Variants in SYT16 observed in about 807,000 individuals in gnomAD.
The protein encoded by SYT16 is synaptotagmin 16, also known as synaptotagmin-16.
In SYT16, 42 loss-of-function variants were observed where a neutral mutation model predicts 61.4. The ratio of observed to expected loss-of-function variants is 0.68; its 90% CI spans 0.53 to 0.89. The LOEUF (loss-of-function observed/expected upper bound fraction) is 0.89, where lower values mean the gene tolerates loss of function less well. Ranked by LOEUF, SYT16 falls within the 40% of genes least tolerant of loss-of-function variation. The probability of loss-of-function intolerance (pLI) is 0.00; values close to 1 mark genes in which losing one functional copy is unlikely to be tolerated. For missense variants in SYT16, 804 were observed against 807.3 expected (o/e 1.00, Z 0.05); for synonymous variants, 314 against 302.3 (o/e 1.04, Z -0.40).
intron 1 of SYT16, among the ~76,000 whole-genome samples, chr14:61,867,483 C>T (rs956596217): frequency 1.3e-5 from 2 of 151,966 alleles, no homozygotes; most frequent in African/African-American, 4.8e-5. Flanking sequence ...GTCTAGAAGA[C>T]CCATATGCTC....
chr14:62,090,872 T>C (rs907368528), intron 7 of SYT16, among the ~76,000 whole-genome samples: 4 of 152,130 alleles, frequency 2.6e-5, no homozygotes, highest in African/African-American at 9.7e-5. Context: ...AGGCATGTCT[T>C]ACATGGTGGC....
chr14:62,085,811 C>T (rs559804619), intron 7 of SYT16, among the ~76,000 whole-genome samples: 1 of 152,298 alleles, frequency 6.6e-6, no homozygotes, highest in South Asian at 2.1e-4. Context: ...ATAATAGATG[C>T]TTATTATTAA....
At chr14:61,987,574 T>G (rs1046583716) in intron 2 of SYT16, among the ~76,000 whole-genome samples, 1 of 152,106 alleles carries the variant, frequency 6.6e-6, no homozygotes, top group Non-Finnish European at 1.5e-5. Flanking sequence ...GATGAAAGAA[T>G]GGGTAGGCCT....
intron 3 of SYT16, among the ~76,000 whole-genome samples, chr14:62,018,804 A>G (rs896216043): frequency 6.6e-6 from 1 of 152,018 alleles, no homozygotes; most frequent in African/African-American, 2.4e-5. Context: ...ACCTGTCCCC[A>G]TCCCCTTTCC....
intron 7 of SYT16, among the ~76,000 whole-genome samples, chr14:62,087,628 AG>A (rs1281023693): frequency 2.0e-5 from 3 of 152,170 alleles, no homozygotes; most frequent in Non-Finnish European, 4.4e-5. Context: ...AGGATTTAGA[AG>A]TGAGAATCTT....
chr14:61,933,956 T>G (rs561108210), intron 1 of SYT16, among the ~76,000 whole-genome samples: 2 of 152,322 alleles, frequency 1.3e-5, no homozygotes, highest in East Asian at 3.9e-4. Context: ...CACATGCATA[T>G]TTGTGTGTAT....
intron 3 of SYT16, among the ~76,000 whole-genome samples, chr14:61,998,438 T>C (rs375221158): frequency 6.6e-5 from 10 of 152,118 alleles, no homozygotes; most frequent in South Asian, 2.1e-4. Flanking sequence ...TATAAATGGA[T>C]GTACACAGTT....
At chr14:61,812,336 G>C (rs2045296515), upstream of SYT16, 1 of 152,486 alleles carries the variant, frequency 6.6e-6, no homozygotes, top group Non-Finnish European at 1.5e-5. Context: ...TGAGAAGCTC[G>C]AGGTAGGGAT....
intron 1 of SYT16, among the ~76,000 whole-genome samples, chr14:61,954,878 A>G (rs1288496478): frequency 6.6e-6 from 1 of 152,198 alleles, no homozygotes; most frequent in East Asian, 1.9e-4. Context: ...GAATAATAAA[A>G]TTGCAGAATC....
rs2140632089 is a variant in SYT16, at chr14:61,996,353, C to CA, written c.335dup (p.His112GlnfsTer18). ...AAATTCAAGCCCAAGCCTTAGCCAA[C>CA]ATGCAAAGGACTCATGTTCCACAAT... is the stretch of plus-strand genomic sequence containing the variant. On this transcript the variant is annotated frameshift_variant, in exon 3 of 8. Coordinates refer to ENST00000683842, the MANE Select transcript of SYT16 (RefSeq NM_001367656.1). LOFTEE classifies it high-confidence loss of function. 6.2e-7 allele frequency: 1 copy of CA among 1,613,490 alleles called. No individual in the cohort carries two copies. The highest frequency in any genetic ancestry group is 8.5e-7 in the Non-Finnish European group (1 of 1,179,574).
chr14:62,081,822 T>G (rs2056718128), intron 6 of SYT16, among the ~76,000 whole-genome samples: 1 of 152,230 alleles, frequency 6.6e-6, no homozygotes, highest in South Asian at 2.1e-4. Context: ...ACTACTGCTG[T>G]GGGTTATATG....
chr14:61,853,194 C>T (rs551309586), intron 1 of SYT16, among the ~76,000 whole-genome samples: 4 of 152,372 alleles, frequency 2.6e-5, no homozygotes, highest in Non-Finnish European at 5.9e-5. Context: ...GCTGGGATTA[C>T]AGGCATAAGC....
chr14:61,900,934 A>G (rs770099917), intron 1 of SYT16, among the ~76,000 whole-genome samples: 3 of 152,246 alleles, frequency 2.0e-5, no homozygotes, highest in Non-Finnish European at 2.9e-5. Context: ...ACTGGATGCC[A>G]GGTGGCCACA....
At position 61,817,588 on chromosome 14, in the gene SYT16, G is replaced by A. The variant is rs533032029; in HGVS notation, c.-325+4778G>A. Among the ~76,000 whole-genome samples the A allele has an allele frequency of 8.7e-4, 132 of 152,230 alleles. 1 individual carries two copies. The highest frequency in any genetic ancestry group is 3.1e-3 in the African/African-American group (129 of 41,528). On this transcript the variant is annotated intron_variant, in intron 1 of 7. Coordinates refer to ENST00000683842, the MANE Select transcript of SYT16 (RefSeq NM_001367656.1). ...ATCAAGAGACATTCTGTAAGTCAGT[G>A]TCATGAAAGATGGCTGAGGCACTGT...
intron 1 of SYT16, among the ~76,000 whole-genome samples, chr14:61,862,828 G>A (rs1566634606): frequency 6.6e-6 from 1 of 152,140 alleles, no homozygotes; most frequent in Non-Finnish European, 1.5e-5. Flanking sequence ...TGTCTCCACA[G>A]TTTTTGTCTT....
chr14:61,915,329 A>G (rs1351671242), intron 1 of SYT16, among the ~76,000 whole-genome samples: 2 of 152,130 alleles, frequency 1.3e-5, no homozygotes, highest in Admixed American at 1.3e-4. Context: ...AAAACAGCAC[A>G]CACATACATT....
At chr14:62,037,617 T>A (rs1240700966) in intron 3 of SYT16, among the ~76,000 whole-genome samples, 1 of 152,204 alleles carries the variant, frequency 6.6e-6, no homozygotes, top group Non-Finnish European at 1.5e-5. Context: ...TGAATAATCA[T>A]GTTTTAATTA....
intron 1 of SYT16, among the ~76,000 whole-genome samples, chr14:61,958,479 T>G (rs983303530): frequency 7.2e-5 from 11 of 152,014 alleles, no homozygotes; most frequent in Admixed American, 5.2e-4. Flanking sequence ...TTTTTGTGTC[T>G]TGATAAATAT....
intron 1 of SYT16, among the ~76,000 whole-genome samples, chr14:61,965,147 G>T (rs1211561145): frequency 6.6e-6 from 1 of 152,162 alleles, no homozygotes; most frequent in Non-Finnish European, 1.5e-5. Context: ...ATACCTAGGA[G>T]TGGAATTGCT....
Sources: allele counts gnomAD v4.1 joint callset (sites outside exome capture counted in the v4.1 genomes callset), GRCh38; gene constraint gnomAD v4.1.1; transcripts MANE v1.5; gene names NCBI Gene and HGNC (gene_info 2026-07-23, HGNC 2026-07-21).